The following TECPR2 variants were observed in gnomAD, a reference collection of about 807,000 sequenced individuals.
The protein encoded by TECPR2 is tectonin beta-propeller repeat containing 2.
Under a neutral mutation model 138.1 loss-of-function variants are expected in TECPR2, and 65 were observed. The observed-to-expected ratio is 0.47, with a 90% CI of 0.39 to 0.58. TECPR2 has a LOEUF of 0.58. Ranked by LOEUF, TECPR2 falls within the 20% of genes least tolerant of loss-of-function variation. The pLI is 0.00. For missense variants in TECPR2, 1,553 were observed against 1,824.5 expected (o/e 0.85, Z 2.71); for synonymous variants, 746 against 749.8 (o/e 0.99, Z 0.08).
intron 4 of TECPR2, among the ~76,000 whole-genome samples, chr14:102,410,276 A>G (rs1338441841): frequency 6.6e-6 from 1 of 151,754 alleles, no homozygotes; most frequent in East Asian, 1.9e-4. Flanking sequence ...TTAATAGAAG[A>G]TGGCTGGATT....
chr14:102,406,898 C>T (rs1888673629), intron 2 of TECPR2, among the ~76,000 whole-genome samples: 2 of 152,132 alleles, frequency 1.3e-5, no homozygotes, highest in Admixed American at 6.6e-5. Context: ...CTTGCTCTGT[C>T]GCCCAGGCTG....
At chr14:102,414,297 C>T (rs556787263) in intron 4 of TECPR2, among the ~76,000 whole-genome samples, 72 of 152,278 alleles carry the variant, frequency 4.7e-4, no homozygotes, top group South Asian at 8.3e-4. Flanking sequence ...CTTCTTTGAA[C>T]TCTCTGCATG....
At chr14:102,445,067 C>T (rs1228822025) in intron 12 of TECPR2, among the ~76,000 whole-genome samples, 1 of 152,202 alleles carries the variant, frequency 6.6e-6, no homozygotes, top group African/African-American at 2.4e-5. Flanking sequence ...ATGGGGGCCC[C>T]GTGCATGGAT....
intron 2 of TECPR2, among the ~76,000 whole-genome samples, chr14:102,399,083 C>T (rs1439896551): frequency 2.0e-5 from 3 of 151,962 alleles, no homozygotes; most frequent in East Asian, 1.9e-4. Context: ...GCCAACATGG[C>T]GAAACTCTGT....
chr14:102,432,216 C>A, intron 8 of TECPR2, 88 bp downstream of exon 8: 1 of 1,256,856 alleles, frequency 8.0e-7, no homozygotes, highest in South Asian at 1.6e-5. Context: ...GTGAGCAATG[C>A]TCCATACATC....
intron 2 of TECPR2, among the ~76,000 whole-genome samples, chr14:102,379,111 C>G (rs995517637): frequency 5.0e-4 from 76 of 152,130 alleles, no homozygotes; most frequent in African/African-American, 1.8e-3. Context: ...AAGGAAGACT[C>G]GTGAATCCAA....
intron 17 of TECPR2, among the ~76,000 whole-genome samples, chr14:102,476,366 TAA>T (rs772790942): frequency 1.8e-4 from 20 of 110,418 alleles, no homozygotes; most frequent in Admixed American, 5.0e-4. Context: ...ACCCTGCCTC[TAA>T]AAAAAAAAAA....
At chr14:102,435,857 ACT>A (rs1168159664) in intron 9 of TECPR2, among the ~76,000 whole-genome samples, 2 of 152,186 alleles carry the variant, frequency 1.3e-5, no homozygotes, top group Non-Finnish European at 2.9e-5. Context: ...AAAAGTGCCT[ACT>A]TCCCTTAGCA....
intron 16 of TECPR2, 99 bp downstream of exon 16, chr14:102,452,726 T>A: frequency 1.1e-6 from 1 of 951,120 alleles, no homozygotes; most frequent in Non-Finnish European, 1.6e-6. Context: ...GTGTCCAACC[T>A]GTGAGAGTTC....
intron 2 of TECPR2, among the ~76,000 whole-genome samples, chr14:102,399,860 AAAAG>A (rs1224633601): frequency 6.6e-6 from 1 of 151,872 alleles, no homozygotes; most frequent in Non-Finnish European, 1.5e-5. Flanking sequence ...AAAAAAAAGA[AAAAG>A]AAATGAAGAT....
rs575724204 is a variant in TECPR2, at chr14:102,441,889, G to A, written c.2752+1280G>A. Among the ~76,000 whole-genome samples, 4 of 152,324 alleles carry A rather than the reference G, an allele frequency of 2.6e-5. No individual in the cohort carries two copies. In the South Asian group the frequency reaches 8.3e-4, roughly 32 times the overall value. On this transcript the variant is annotated intron_variant, in intron 11 of 19. Transcript: ENST00000359520. ...TATCAGTATCTGGAAGGACTGTGGG[G>A]CAGGAGTTATCGTCAGTTGTCCAGA...
intron 1 of TECPR2, among the ~76,000 whole-genome samples, chr14:102,371,028 C>T (rs1297901688): frequency 6.6e-6 from 1 of 152,208 alleles, no homozygotes; most frequent in East Asian, 1.9e-4. Context: ...TTACTAATCC[C>T]ATTTCAGATG....
chr14:102,428,555 C>A (rs1468498709), intron 7 of TECPR2, among the ~76,000 whole-genome samples, 173 bp downstream of exon 7: 1 of 151,620 alleles, frequency 6.6e-6, no homozygotes, highest in Non-Finnish European at 1.5e-5. Flanking sequence ...AAGCTCAGGA[C>A]TTTAAGACCA....
At chr14:102,474,485 G>A (rs1382403021) in intron 17 of TECPR2, among the ~76,000 whole-genome samples, 1 of 151,630 alleles carries the variant, frequency 6.6e-6, no homozygotes, top group Admixed American at 6.6e-5. Flanking sequence ...TTAGCTGGGT[G>A]TGGTGGTGCA....
At chr14:102,397,095 CTG>C (rs1289823442) in intron 2 of TECPR2, among the ~76,000 whole-genome samples, 1 of 152,162 alleles carries the variant, frequency 6.6e-6, no homozygotes, top group Non-Finnish European at 1.5e-5. Context: ...TAAGAAGTGA[CTG>C]TGCATGCCTA....
At chr14:102,437,368 G>T (rs767486463) in intron 9 of TECPR2, among the ~76,000 whole-genome samples, 1 of 152,164 alleles carries the variant, frequency 6.6e-6, no homozygotes, top group Non-Finnish European at 1.5e-5. Context: ...CCAACATGGC[G>T]AAACCCCGTC....
intron 16 of TECPR2, among the ~76,000 whole-genome samples, chr14:102,457,685 C>T (rs1028834169): frequency 4.6e-5 from 7 of 151,958 alleles, no homozygotes; most frequent in Admixed American, 4.6e-4. Context: ...AATTTAAAAC[C>T]AACCTGGCCA....
rs147896658 is a variant in TECPR2, at chr14:102,430,102, G to A, written c.1085-1694G>A. 1.1e-3 allele frequency among the ~76,000 whole-genome samples: 165 copies of A among 152,104 alleles called. 2 individuals carry two copies. The South Asian group carries it at 0.014, about 13-fold the overall frequency. Reference sequence around the variant, plus strand: ...CTGCCTTAGCCTCCCGAATAGCTGGGATTACAGGTGTGCACCACCACACCA... The same window carrying A: ...CTGCCTTAGCCTCCCGAATAGCTGGAATTACAGGTGTGCACCACCACACCA... On this transcript the variant is annotated intron_variant, in intron 7 of 19. Coordinates refer to ENST00000359520, the MANE Select transcript of TECPR2 (RefSeq NM_014844.5).
chr14:102,378,957 C>T, intron 2 of TECPR2, among the ~76,000 whole-genome samples: 1 of 152,224 alleles, frequency 6.6e-6, no homozygotes, highest in South Asian at 2.1e-4. Context: ...AAAATTAGAA[C>T]TACTGCTATT....
Sources: gnomAD v4.1 joint callset for allele counts (sites outside exome capture counted in the v4.1 genomes callset) on GRCh38, gnomAD v4.1.1 for gene constraint, MANE v1.5 for transcripts, NCBI Gene and HGNC (gene_info 2026-07-23, HGNC 2026-07-21) for gene names.